The following CTNNA3 variants were observed in gnomAD, a reference collection of about 807,000 sequenced individuals.
CTNNA3 encodes catenin alpha 3.
A neutral mutation model predicts 95.7 loss-of-function variants in CTNNA3; 76 were observed. The observed-to-expected ratio is 0.79, with a 90% CI of 0.66 to 0.96. The LOEUF (loss-of-function observed/expected upper bound fraction) is 0.96, where lower values mean the gene tolerates loss of function less well. Ranked by LOEUF, CTNNA3 falls within the 40% of genes least tolerant of loss-of-function variation. The pLI is 0.00. For synonymous variants in CTNNA3, 431 were observed against 374.4 expected, an observed-to-expected ratio of 1.15 and a Z score of -1.74; for missense variants, 1,191 against 1,089.8, an observed-to-expected ratio of 1.09 and a Z score of -1.31.
chr10:67,591,192 A>T (rs925118630), intron 3 of CTNNA3, among the ~76,000 whole-genome samples: 2 of 152,148 alleles, frequency 1.3e-5, no homozygotes, highest in African/African-American at 4.8e-5. Flanking sequence ...TTAGGAAGGT[A>T]AAATTGGAGT....
intron 16 of CTNNA3, among the ~76,000 whole-genome samples, chr10:65,982,534 G>A (rs1023319251): frequency 1.1e-4 from 8 of 74,776 alleles, no homozygotes; most frequent in African/African-American, 4.2e-4. Context: ...GGCATTATAC[G>A]AAAAAGATAC....
chr10:66,176,827 G>T (rs1394287585), intron 13 of CTNNA3, among the ~76,000 whole-genome samples: 1 of 152,002 alleles, frequency 6.6e-6, no homozygotes, highest in Non-Finnish European at 1.5e-5. Context: ...AAGCTACACG[G>T]TTTATGGCAT....
chr10:66,169,968 GTTGT>G (rs1381026503), intron 13 of CTNNA3, among the ~76,000 whole-genome samples: 1 of 152,092 alleles, frequency 6.6e-6, no homozygotes, highest in Non-Finnish European at 1.5e-5. Context: ...CACTCTGTGG[GTTGT>G]TTATTTACTC....
At chr10:66,390,621 A>G (rs1369416896) in intron 11 of CTNNA3, among the ~76,000 whole-genome samples, 1 of 152,126 alleles carries the variant, frequency 6.6e-6, no homozygotes, top group Admixed American at 6.6e-5. Context: ...AACTACATAA[A>G]TGTTCAACAA....
At chr10:67,539,726 G>T in intron 3 of CTNNA3, 57 bp from the exon 4 acceptor site, 1 of 1,487,678 alleles carries the variant, frequency 6.7e-7, no homozygotes. Context: ...GCCTATTTCA[G>T]GATTTATCAG....
At chr10:66,575,102 C>A (rs969902570) in intron 10 of CTNNA3, among the ~76,000 whole-genome samples, 3 of 152,040 alleles carry the variant, frequency 2.0e-5, no homozygotes, top group African/African-American at 7.3e-5. Flanking sequence ...ACTTCATTAA[C>A]CAGAATTTGA....
At chr10:66,088,184 C>A (rs1429379566) in intron 14 of CTNNA3, among the ~76,000 whole-genome samples, 2 of 151,760 alleles carry the variant, frequency 1.3e-5, no homozygotes, top group Non-Finnish European at 2.9e-5. Flanking sequence ...ATACAGAATA[C>A]CTTTATTTTC....
intron 11 of CTNNA3, among the ~76,000 whole-genome samples, chr10:66,464,643 A>C (rs977371422): frequency 6.6e-6 from 1 of 151,986 alleles, no homozygotes; most frequent in Non-Finnish European, 1.5e-5. Context: ...CGTGCCTGTA[A>C]TTCCAGCTAC....
chr10:66,931,358 TTAAA>T (rs1340735846), intron 7 of CTNNA3, among the ~76,000 whole-genome samples: 4 of 152,198 alleles, frequency 2.6e-5, no homozygotes, highest in African/African-American at 4.8e-5. Flanking sequence ...CAGCATGTAG[TTAAA>T]TAGTCCCAGT....
chr10:67,634,809 C>A (rs1234366901), intron 2 of CTNNA3, among the ~76,000 whole-genome samples: 1 of 152,126 alleles, frequency 6.6e-6, no homozygotes, highest in East Asian at 1.9e-4. Context: ...AATATGGGAG[C>A]ACCCAGATGC....
chr10:66,089,040 T>G (rs2081107666), intron 14 of CTNNA3, among the ~76,000 whole-genome samples: 1 of 152,060 alleles, frequency 6.6e-6, no homozygotes. Context: ...CTTTATTTTG[T>G]GTTTTGTTTG....
chr10:67,101,882 C>T (rs1196172849), intron 7 of CTNNA3, among the ~76,000 whole-genome samples: 1 of 151,668 alleles, frequency 6.6e-6, no homozygotes, highest in Non-Finnish European at 1.5e-5. Flanking sequence ...TTCATGAAAA[C>T]CAATACCTGA....
chr10:66,383,936 C>T (rs1210665489), intron 11 of CTNNA3, among the ~76,000 whole-genome samples: 1 of 152,072 alleles, frequency 6.6e-6, no homozygotes, highest in Non-Finnish European at 1.5e-5. Context: ...TACAAGAGCT[C>T]CTGAAGGAAG....
At chr10:67,751,641 A>G (rs959622681) in intron 1 of CTNNA3, among the ~76,000 whole-genome samples, 7 of 152,154 alleles carry the variant, frequency 4.6e-5, no homozygotes, top group Non-Finnish European at 1.0e-4. Context: ...GATATCATCA[A>G]TGACCCCACA....
At chr10:65,992,025 A>G (rs2078557397) in intron 15 of CTNNA3, among the ~76,000 whole-genome samples, 1 of 151,896 alleles carries the variant, frequency 6.6e-6, no homozygotes, top group Non-Finnish European at 1.5e-5. Context: ...TTAATCTTTC[A>G]TTCTTTTGAT....
At position 67,080,585 on chromosome 10, in the gene CTNNA3, ATCT is replaced by A. The variant is rs377130545; in HGVS notation, c.1047+99729_1047+99731del. On this transcript the variant is annotated intron_variant, in intron 7 of 17. Coordinates refer to ENST00000433211, the MANE Select transcript of CTNNA3 (RefSeq NM_013266.4). ...TTATTGGATTTATTCAATAGGCATC[ATCT>A]TCATCATCTTATAGATGTGCATAGA... Among the ~76,000 whole-genome samples, 695 of 152,270 alleles carry A rather than the reference ATCT, an allele frequency of 4.6e-3. 8 individuals are homozygous for A. Among genetic ancestry groups the A allele is most frequent in the African/African-American group, 0.016 (665 of 41,550 alleles).
chr10:66,572,462 T>A (rs574995710), intron 10 of CTNNA3, among the ~76,000 whole-genome samples: 31 of 151,886 alleles, frequency 2.0e-4, no homozygotes, highest in African/African-American at 7.5e-4. Context: ...AAACTATATG[T>A]CTATCTCTAC....
rs146765519 is a variant in CTNNA3 at position 67,628,751 on chromosome 10, G to A, written c.99+18664C>T. On this transcript the variant is annotated intron_variant, in intron 2 of 17. Transcript: ENST00000433211. Reference sequence around the variant, plus strand: ...TGTCATTCATAATTATGAGTGTTATGTTGAATTGTTGTAGGCCACAAAAAA... The same window carrying A: ...TGTCATTCATAATTATGAGTGTTATATTGAATTGTTGTAGGCCACAAAAAA... Among the ~76,000 whole-genome samples, 90 of 152,082 alleles carry A rather than the reference G, an allele frequency of 5.9e-4. 2 individuals carry two copies. The highest frequency in any genetic ancestry group is 2.0e-3 in the African/African-American group (85 of 41,508).
intron 7 of CTNNA3, among the ~76,000 whole-genome samples, chr10:67,107,386 T>C (rs940556510): frequency 2.0e-5 from 3 of 152,234 alleles, no homozygotes; most frequent in Admixed American, 1.3e-4. Flanking sequence ...TAAAATGTTA[T>C]GTCAGTTTCA....
Sources: gnomAD v4.1 joint callset for allele counts (sites outside exome capture counted in the v4.1 genomes callset) on GRCh38, gnomAD v4.1.1 for gene constraint, MANE v1.5 for transcripts, NCBI Gene and HGNC (gene_info 2026-07-23, HGNC 2026-07-21) for gene names.